The following ST8SIA5 variants were observed in gnomAD, a reference collection of about 807,000 sequenced individuals.
ST8SIA5 encodes the protein alpha-2,8-sialyltransferase 8E.
ST8SIA5 carries 24 observed loss-of-function variants against 40.2 expected under a neutral mutation model. That is an observed-to-expected ratio of 0.60 (90% CI 0.43 to 0.84). The LOEUF (loss-of-function observed/expected upper bound fraction) is 0.84, where lower values mean the gene tolerates loss of function less well. Ranked by LOEUF, ST8SIA5 falls within the 40% of genes least tolerant of loss-of-function variation. The probability of loss-of-function intolerance (pLI) is 0.00; values close to 1 mark genes in which losing one functional copy is unlikely to be tolerated. For missense variants in ST8SIA5, 465 were observed against 498.5 expected (o/e 0.93, Z 0.64); for synonymous variants, 198 against 201.8 (o/e 0.98, Z 0.16).
rs2053151840 is a variant in ST8SIA5 at position 46,678,816 on chromosome 18, T to C, written c.*1226A>G. ...CAGTTAGTTCACCAACAGTGTCTCT[T>C]AGACACCATCCCATTTATGGTGGAA... On this transcript the variant is annotated 3_prime_UTR_variant, in exon 7 of 7. Transcript: ENST00000315087. 6.6e-6 allele frequency: 1 copy of C among 152,266 alleles called. No individual in the cohort carries two copies. Among genetic ancestry groups the C allele is most frequent in the South Asian group, 2.1e-4 (1 of 4,832 alleles). 9.4% of individuals were successfully genotyped at this position (152,266 alleles called of 1,614,324 possible).
intron 1 of ST8SIA5, among the ~76,000 whole-genome samples, chr18:46,738,656 C>T (rs2040058513): frequency 6.6e-6 from 1 of 152,136 alleles, no homozygotes; most frequent in Non-Finnish European, 1.5e-5. Context: ...GAGCAGCATC[C>T]CTTCTTTCCA....
At chr18:46,713,879 G>C (rs908119631) in intron 1 of ST8SIA5, among the ~76,000 whole-genome samples, 12 of 152,176 alleles carry the variant, frequency 7.9e-5, no homozygotes, top group Non-Finnish European at 1.5e-4. Flanking sequence ...AAATGTTGGA[G>C]ATGGTGCCAT....
chr18:46,688,754 C>T (rs140837124), intron 4 of ST8SIA5, 21 bp downstream of exon 4: 73 of 1,597,648 alleles, frequency 4.6e-5, no homozygotes, highest in Non-Finnish European at 5.6e-5. Context: ...CCACCCAGAC[C>T]GCCCCCGCCC....
chr18:46,725,704 T>A (rs1257408359), intron 1 of ST8SIA5, among the ~76,000 whole-genome samples: 1 of 151,910 alleles, frequency 6.6e-6, no homozygotes, highest in Non-Finnish European at 1.5e-5. Context: ...ACTGCATAAT[T>A]TTCAAAACCA....
intron 3 of ST8SIA5, among the ~76,000 whole-genome samples, chr18:46,690,879 G>A (rs1173997556): frequency 6.6e-6 from 1 of 152,162 alleles, no homozygotes; most frequent in Non-Finnish European, 1.5e-5. Flanking sequence ...GCCTCCCAAA[G>A]TGCTGGGATT....
intron 2 of ST8SIA5, among the ~76,000 whole-genome samples, chr18:46,698,649 T>G (rs899717179): frequency 1.2e-4 from 19 of 152,356 alleles, no homozygotes; most frequent in Non-Finnish European, 2.8e-4. Flanking sequence ...ACCTGTCACT[T>G]CTTGGTATTT....
Position 46,754,898 on chromosome 18 carries a change from G to A in ST8SIA5, c.131+1480C>T, listed in dbSNP as rs113346819. Among the ~76,000 whole-genome samples the A allele has an allele frequency of 6.8e-3, 1,037 of 152,348 alleles. 7 individuals carry two copies. Among genetic ancestry groups the A allele is most frequent in the African/African-American group, 0.024 (983 of 41,576 alleles). ...CAGCAGGCAATCGGCCTGCAGGGCC[G>A]CAGCAAGCTGTGGGGGACCCAGCTG... On this transcript the variant is annotated intron_variant, in intron 1 of 6. Transcript: ENST00000315087.
intron 1 of ST8SIA5, among the ~76,000 whole-genome samples, chr18:46,750,829 C>G (rs187629093): frequency 9.1e-4 from 139 of 152,298 alleles, no homozygotes; most frequent in African/African-American, 3.1e-3. Flanking sequence ...TCATCATTTT[C>G]CACTCTGCTC....
rs184794316 is a variant in ST8SIA5 at position 46,684,786 on chromosome 18, G to C, written c.569+1388C>G. 1.2e-3 allele frequency among the ~76,000 whole-genome samples: 187 copies of C among 152,310 alleles called. 2 individuals are homozygous for C. The highest frequency in any genetic ancestry group is 4.0e-3 in the African/African-American group (167 of 41,556). On this transcript the variant is annotated intron_variant, in intron 5 of 6. Transcript: ENST00000315087. ...CCTGCAAGAGCGAGACCACTCAGCG[G>C]GTCCCTGGTTATAGGGTTAGGTTGT...
At chr18:46,696,848 G>A (rs1417745281) in intron 2 of ST8SIA5, among the ~76,000 whole-genome samples, 2 of 152,190 alleles carry the variant, frequency 1.3e-5, no homozygotes, top group Non-Finnish European at 2.9e-5. Flanking sequence ...CTCAGTAGAA[G>A]AGAAATTTCA....
chr18:46,739,179 G>A (rs759653347), intron 1 of ST8SIA5, among the ~76,000 whole-genome samples: 3 of 152,188 alleles, frequency 2.0e-5, no homozygotes, highest in Non-Finnish European at 2.9e-5. Context: ...AAGACAGCTG[G>A]GAGGGGACAG....
intron 1 of ST8SIA5, among the ~76,000 whole-genome samples, chr18:46,742,524 C>T (rs902712202): frequency 6.6e-6 from 1 of 152,052 alleles, no homozygotes; most frequent in Non-Finnish European, 1.5e-5. Context: ...TTGCAAATCA[C>T]GTACCTGATA....
At position 46,669,208 on chromosome 18, in the gene ST8SIA5, T is replaced by A. The variant is rs1431166421; in HGVS notation, c.*10834A>T. 1 of 152,478 alleles carries A rather than the reference T, an allele frequency of 6.6e-6. No homozygotes were observed. The highest frequency in any genetic ancestry group is 1.9e-4 in the East Asian group (1 of 5,166). 9.4% of individuals were successfully genotyped at this position (152,478 alleles called of 1,614,324 possible). On this transcript the variant is annotated 3_prime_UTR_variant, in exon 7 of 7. Transcript: ENST00000315087. ...GCCTGGAGCAGACTCCAGATCAGCC[T>A]AACAACTTCAGAGGGGAGAAAAAGG... is the stretch of plus-strand genomic sequence containing the variant.
intron 1 of ST8SIA5, among the ~76,000 whole-genome samples, chr18:46,743,597 C>A (rs2040108511): frequency 6.6e-6 from 1 of 152,174 alleles, no homozygotes; most frequent in South Asian, 2.1e-4. Flanking sequence ...GATTGGTGTA[C>A]CTGAAAGTGA....
Position 46,680,368 on chromosome 18 carries a change from C to T in ST8SIA5, c.805G>A (p.Glu269Lys). 6.8e-6 allele frequency: 11 copies of T among 1,614,114 alleles called. No homozygotes were observed. The highest frequency in any genetic ancestry group is 9.3e-6 in the Non-Finnish European group (11 of 1,179,974). Residue 269 changes from glutamate to lysine, a missense_variant, in exon 7 of 7, where the codon GAA becomes AAA. By Grantham distance (56) the Glu-to-Lys change is moderately conservative (BLOSUM62 1). Coordinates refer to ENST00000315087, the MANE Select transcript of ST8SIA5 (RefSeq NM_013305.6). ...AAGTAGTAGACAGCTTGCGGCGATTCGAAGTCGTCCAGCACGTACTTGACG... is the reference window on the plus strand; with the variant it reads ...AAGTAGTAGACAGCTTGCGGCGATTTGAAGTCGTCCAGCACGTACTTGACG... Reference protein sequence around the residue: ...IRVKYVLDDFESPQAVYYFHP... With the variant: ...IRVKYVLDDFKSPQAVYYFHP...
At chr18:46,711,777 C>T (rs1480729858) in intron 1 of ST8SIA5, among the ~76,000 whole-genome samples, 1 of 152,224 alleles carries the variant, frequency 6.6e-6, no homozygotes, top group Non-Finnish European at 1.5e-5. Flanking sequence ...GGAGACATGC[C>T]ATGGCAGTGG....
intron 1 of ST8SIA5, among the ~76,000 whole-genome samples, chr18:46,714,178 G>A (rs966718167): frequency 6.6e-6 from 1 of 152,162 alleles, no homozygotes; most frequent in South Asian, 2.1e-4. Flanking sequence ...AGCTTAGCAA[G>A]GTCTTGGTGG....
chr18:46,713,157 T>C (rs1229443567), intron 1 of ST8SIA5, among the ~76,000 whole-genome samples: 2 of 152,020 alleles, frequency 1.3e-5, no homozygotes, highest in African/African-American at 4.8e-5. Context: ...GAGGGAGAAC[T>C]ATTGCAGCAT....
intron 2 of ST8SIA5, among the ~76,000 whole-genome samples, chr18:46,700,288 C>A (rs1244959310): frequency 6.6e-6 from 1 of 152,198 alleles, no homozygotes; most frequent in Non-Finnish European, 1.5e-5. Context: ...ATGAACCATA[C>A]ACCTCCCTGT....
Sources: allele counts gnomAD v4.1 joint callset (sites outside exome capture counted in the v4.1 genomes callset), GRCh38; gene constraint gnomAD v4.1.1; transcripts MANE v1.5; gene names NCBI Gene and HGNC (gene_info 2026-07-23, HGNC 2026-07-21).